The following LGSN variants were observed in gnomAD, a reference collection of about 807,000 sequenced individuals.
The protein encoded by LGSN is lengsin, lens protein with glutamine synthetase domain, also known as lengsin.
LGSN carries 21 observed loss-of-function variants against 19.5 expected under a neutral mutation model. The ratio of observed to expected loss-of-function variants is 1.07; its 90% CI spans 0.76 to 1.55. LGSN has a LOEUF of 1.55. Among genes scored for constraint, LGSN ranks in the 40% most tolerant of loss-of-function variants. The pLI is 0.00. For synonymous variants in LGSN, 257 were observed against 215.6 expected, an observed-to-expected ratio of 1.19 and a Z score of -1.68; for missense variants, 673 against 608.5, an observed-to-expected ratio of 1.11 and a Z score of -1.12.
At chr6:63,464,397 G>T in the LGSN span, among the ~76,000 whole-genome samples, 2 of 151,744 alleles carry the variant, frequency 1.3e-5, no homozygotes, top group Non-Finnish European at 2.9e-5. Flanking sequence ...TATCTATTTT[G>T]AATATAATAT....
chr6:63,334,493 C>T, the LGSN span, among the ~76,000 whole-genome samples: 4 of 152,106 alleles, frequency 2.6e-5, no homozygotes, highest in Non-Finnish European at 4.4e-5. Context: ...ATTCCATGCT[C>T]AAGAATTGGA....
chr6:63,332,409 C>A, the LGSN span, among the ~76,000 whole-genome samples: 449 of 152,202 alleles, frequency 3.0e-3, 3 homozygotes, highest in African/African-American at 0.01. Flanking sequence ...CTCACTTGGG[C>A]GACATGCCTT....
At chr6:63,410,541 AG>A in the LGSN span, among the ~76,000 whole-genome samples, 84 of 152,166 alleles carry the variant, frequency 5.5e-4, no homozygotes, top group Non-Finnish European at 9.3e-4. Flanking sequence ...AGCCAATAAA[AG>A]TTTTTCAGTT....
At chr6:63,565,277 A>G in the LGSN span, among the ~76,000 whole-genome samples, 1 of 152,078 alleles carries the variant, frequency 6.6e-6, no homozygotes, top group Non-Finnish European at 1.5e-5. Context: ...AGTAAATACT[A>G]TATTAAGCGG....
chr6:63,346,233 C>T, the LGSN span, among the ~76,000 whole-genome samples: 450 of 151,852 alleles, frequency 3.0e-3, 3 homozygotes, highest in African/African-American at 0.01. Context: ...TCTTGGTGGG[C>T]GTCTGCATGG....
chr6:63,338,864 G>A, the LGSN span, among the ~76,000 whole-genome samples: 1 of 152,058 alleles, frequency 6.6e-6, no homozygotes, highest in Admixed American at 6.6e-5. Flanking sequence ...TTGTTGTGTT[G>A]TGTCTCCATT....
At chr6:63,384,132 G>GGCT in the LGSN span, among the ~76,000 whole-genome samples, 2 of 152,104 alleles carry the variant, frequency 1.3e-5, no homozygotes, top group East Asian at 3.8e-4. Context: ...CACACCAGTT[G>GGCT]GCTGCCTTCC....
chr6:63,289,009 T>G (rs1172436779), intron 2 of LGSN, among the ~76,000 whole-genome samples: 1 of 152,246 alleles, frequency 6.6e-6, no homozygotes, highest in Non-Finnish European at 1.5e-5. Context: ...TTTTCTTCAG[T>G]GTCCAAATTG....
the LGSN span, among the ~76,000 whole-genome samples, chr6:63,327,698 C>CTT: frequency 1.3e-5 from 2 of 152,298 alleles, no homozygotes; most frequent in East Asian, 3.9e-4. Flanking sequence ...TTTACCCTGG[C>CTT]TTTTAAAGGA....
the LGSN span, among the ~76,000 whole-genome samples, chr6:63,416,721 C>T: frequency 5.5e-4 from 84 of 151,404 alleles, no homozygotes; most frequent in Middle Eastern, 0.01. Flanking sequence ...GCATCCACCA[C>T]CACGCCCGGC....
At chr6:63,492,479 T>C in the LGSN span, among the ~76,000 whole-genome samples, 4 of 152,250 alleles carry the variant, frequency 2.6e-5, no homozygotes, top group South Asian at 8.3e-4. Flanking sequence ...TAACTGTTGT[T>C]ACATGTTTAA....
At chr6:63,413,051 G>T in the LGSN span, among the ~76,000 whole-genome samples, 2 of 152,148 alleles carry the variant, frequency 1.3e-5, no homozygotes, top group South Asian at 4.2e-4. Flanking sequence ...ACAATACATG[G>T]GGTATCATAA....
At chr6:63,499,784 G>A in the LGSN span, among the ~76,000 whole-genome samples, 1 of 152,048 alleles carries the variant, frequency 6.6e-6, no homozygotes, top group Non-Finnish European at 1.5e-5. Flanking sequence ...AGCTCAAGAG[G>A]TGAACAGAGT....
At chr6:63,292,918 G>A (rs1767832970) in intron 2 of LGSN, among the ~76,000 whole-genome samples, 1 of 152,168 alleles carries the variant, frequency 6.6e-6, no homozygotes, top group Non-Finnish European at 1.5e-5. Context: ...GGGTAATGTG[G>A]TAGACACTAT....
the LGSN span, among the ~76,000 whole-genome samples, chr6:63,561,044 A>G: frequency 3.3e-5 from 5 of 152,240 alleles, no homozygotes; most frequent in Non-Finnish European, 5.9e-5. Flanking sequence ...TTACAGGATC[A>G]GAACACGTAG....
chr6:63,521,559 C>T, the LGSN span, among the ~76,000 whole-genome samples: 1 of 152,152 alleles, frequency 6.6e-6, no homozygotes, highest in African/African-American at 2.4e-5. Flanking sequence ...TATTATACTA[C>T]CATTAACCAC....
At chr6:63,355,956 G>A in the LGSN span, among the ~76,000 whole-genome samples, 8 of 152,150 alleles carry the variant, frequency 5.3e-5, no homozygotes, top group Non-Finnish European at 7.3e-5. Context: ...TGGTATTACA[G>A]GCGTGAGCCA....
At chr6:63,341,612 CT>C in the LGSN span, among the ~76,000 whole-genome samples, 2 of 152,124 alleles carry the variant, frequency 1.3e-5, no homozygotes, top group Non-Finnish European at 2.9e-5. Context: ...ATATAGGACA[CT>C]GCATTGGCTA....
the LGSN span, among the ~76,000 whole-genome samples, chr6:63,539,766 T>G: frequency 7.5e-6 from 1 of 133,766 alleles, no homozygotes; most frequent in Admixed American, 7.4e-5. Flanking sequence ...AGACTCTGTC[T>G]CAAAAAAAAA....
Sources: allele counts gnomAD v4.1 joint callset (sites outside exome capture counted in the v4.1 genomes callset), GRCh38; gene constraint gnomAD v4.1.1; transcripts MANE v1.5; gene names NCBI Gene and HGNC (gene_info 2026-07-23, HGNC 2026-07-21).